DMD: variants seen among roughly 807,000 people sequenced by gnomAD.
DMD encodes mutant dystrophin.
DMD carries 63 observed loss-of-function variants against 330.1 expected under a neutral mutation model. The ratio of observed to expected loss-of-function variants is 0.19; its 90% CI spans 0.16 to 0.24. The LOEUF (loss-of-function observed/expected upper bound fraction) is 0.24, where lower values mean the gene tolerates loss of function less well. DMD is among the 10% of genes least tolerant of loss of function. The pLI is 1.00. For synonymous variants in DMD, 1,223 were observed against 959.8 expected (o/e 1.27, Z -5.07); for missense variants, 3,344 against 2,684.1 (o/e 1.25, Z -5.43).
chrX:32,106,435 AT>A (rs773130257), intron 44 of DMD, among the ~76,000 whole-genome samples: 1 of 111,488 alleles, frequency 9.0e-6, no homozygotes, highest in East Asian at 2.8e-4. Flanking sequence ...TATTTCCCTC[AT>A]TTTTGGTAAC....
chrX:31,969,061 T>A (rs965397190), intron 44 of DMD, among the ~76,000 whole-genome samples: 10 of 111,584 alleles, frequency 9.0e-5, no homozygotes, highest in Non-Finnish European at 1.7e-4. Context: ...GTATTTTGCA[T>A]TAGAAGCCAC....
chrX:31,180,687 C>T (rs2041067963), intron 68 of DMD, among the ~76,000 whole-genome samples: 1 of 111,373 alleles, frequency 9.0e-6, no homozygotes, highest in Non-Finnish European at 1.9e-5. Flanking sequence ...GAAAGATTAT[C>T]CTATAAACAT....
intron 43 of DMD, among the ~76,000 whole-genome samples, chrX:32,263,756 T>G (rs1275669950): frequency 9.0e-6 from 1 of 111,703 alleles, no homozygotes; most frequent in Non-Finnish European, 1.9e-5. Flanking sequence ...TGTTGAATGG[T>G]AAGAGACAAC....
chrX:32,424,865 A>T (rs1264598258), intron 29 of DMD, among the ~76,000 whole-genome samples: 1 of 111,435 alleles, frequency 9.0e-6, no homozygotes, highest in African/African-American at 3.3e-5. Flanking sequence ...ACTTGCAAAT[A>T]TGAATATAGT....
intron 1 of DMD, among the ~76,000 whole-genome samples, chrX:33,225,128 T>C (rs1219262308): frequency 9.0e-6 from 1 of 111,555 alleles, no homozygotes; most frequent in African/African-American, 3.2e-5. Flanking sequence ...TTACCCAAAC[T>C]GTTACACAGT....
rs28674777 is a variant in DMD, at chrX:32,185,383, C to G, written c.6438+31533G>C. Among the ~76,000 whole-genome samples the G allele has an allele frequency of 5.6e-3, 625 of 111,225 alleles. 7 individuals carry two copies. Among genetic ancestry groups the G allele is most frequent in the African/African-American group, 0.019 (579 of 30,679 alleles). On this transcript the variant is annotated intron_variant, in intron 44 of 78. Transcript: ENST00000357033. ...CTGTTTCTTCACAATAACTCCCAGT[C>G]TGGCTGCACCTTCGACTCACACAAA...
rs201270172 is a variant in DMD at position 31,531,848 on chromosome X, C to G, written c.8218-24395G>C. On this transcript the variant is annotated intron_variant, in intron 55 of 78. Coordinates refer to ENST00000357033, the MANE Select transcript of DMD (RefSeq NM_004006.3). ...AACTACGTGAAGAATGCAGAAGCCT[C>G]AGGAGCCGATGCGATCAACTGGAAG... is the stretch of plus-strand genomic sequence containing the variant. Among the ~76,000 whole-genome samples, 213 of 98,318 alleles carry G rather than the reference C, an allele frequency of 2.2e-3. 3 individuals are homozygous for G. In the East Asian group the frequency reaches 0.068, roughly 31 times the overall value. The allele number at this position is 98,318 out of a possible 115,157, so 85.4% of individuals were successfully genotyped here. A position where few individuals can be genotyped will look rare whatever the true frequency, so the allele number is the denominator to read the frequency against.
chrX:32,109,934 CAAAT>C (rs1366993611), intron 44 of DMD, among the ~76,000 whole-genome samples: 1 of 111,432 alleles, frequency 9.0e-6, no homozygotes, highest in Non-Finnish European at 1.9e-5. Flanking sequence ...AAACACACGT[CAAAT>C]AACACCAACA....
At chrX:33,180,824 G>A (rs1341850838) in intron 1 of DMD, among the ~76,000 whole-genome samples, 6 of 96,891 alleles carry the variant, frequency 6.2e-5, no homozygotes, top group African/African-American at 2.2e-4. Flanking sequence ...GTCCCATATC[G>A]AGAGATAATG....
chrX:32,366,760 C>G (rs1298384209), intron 34 of DMD, among the ~76,000 whole-genome samples: 1 of 111,808 alleles, frequency 8.9e-6, no homozygotes, highest in Non-Finnish European at 1.9e-5. Context: ...TTTGGTTTTG[C>G]CTTTGGCATC....
intron 57 of DMD, among the ~76,000 whole-genome samples, chrX:31,488,557 AT>A (rs2068998463): frequency 8.9e-6 from 1 of 111,931 alleles, no homozygotes; most frequent in African/African-American, 3.3e-5. Flanking sequence ...CAACATCATT[AT>A]TTTATTTGTT....
intron 1 of DMD, among the ~76,000 whole-genome samples, chrX:33,152,925 A>G (rs1238648810): frequency 8.9e-6 from 1 of 112,569 alleles, no homozygotes; most frequent in Non-Finnish European, 1.9e-5. Context: ...CAGCAATCCC[A>G]TTGAGAAGAC....
At chrX:32,072,994 A>T (rs2096312610) in intron 44 of DMD, among the ~76,000 whole-genome samples, 1 of 112,285 alleles carries the variant, frequency 8.9e-6, no homozygotes, top group Non-Finnish European at 1.9e-5. Flanking sequence ...CAACCAACAA[A>T]TAAAGGAGAG....
chrX:32,022,919 G>A (rs890659082), intron 44 of DMD, among the ~76,000 whole-genome samples: 8 of 102,817 alleles, frequency 7.8e-5, no homozygotes, highest in South Asian at 9.2e-4. Context: ...TGCAAACTCC[G>A]CCTCCCGGGT....
intron 7 of DMD, among the ~76,000 whole-genome samples, chrX:32,763,093 C>G (rs970553897): frequency 9.0e-6 from 1 of 111,650 alleles, no homozygotes. Flanking sequence ...CCGCTGTACA[C>G]AATGAACAGC....
intron 48 of DMD, among the ~76,000 whole-genome samples, chrX:31,859,916 C>T (rs747203665): frequency 3.3e-4 from 37 of 111,838 alleles, no homozygotes; most frequent in Non-Finnish European, 6.4e-4. Context: ...ATTGTTTCTG[C>T]ACCGCGTTCT....
At chrX:32,807,166 A>G (rs867292849) in intron 7 of DMD, among the ~76,000 whole-genome samples, 1 of 98,604 alleles carries the variant, frequency 1.0e-5, no homozygotes, top group Non-Finnish European at 2.0e-5. Context: ...CAAATCCAGG[A>G]GGTGTTTTTT....
intron 51 of DMD, among the ~76,000 whole-genome samples, chrX:31,773,499 T>C (rs1316565310): frequency 9.0e-6 from 1 of 111,689 alleles, no homozygotes; most frequent in Non-Finnish European, 1.9e-5. Context: ...ATTATCCTTA[T>C]CATTGGAGAA....
intron 1 of DMD, among the ~76,000 whole-genome samples, chrX:33,292,991 A>C (rs1207150383): frequency 9.0e-6 from 1 of 111,273 alleles, no homozygotes; most frequent in East Asian, 2.9e-4. Flanking sequence ...TCTGTCTATT[A>C]TCTCATGTAT....
Sources: allele counts gnomAD v4.1 joint callset (sites outside exome capture counted in the v4.1 genomes callset), GRCh38; gene constraint gnomAD v4.1.1; transcripts MANE v1.5; gene names NCBI Gene and HGNC (gene_info 2026-07-23, HGNC 2026-07-21).